BRI3: variants seen among roughly 807,000 people sequenced by gnomAD.
BRI3 encodes membrane protein BRI3.
BRI3 carries 6 observed loss-of-function variants against 12.8 expected under a neutral mutation model. The ratio of observed to expected loss-of-function variants is 0.47; its 90% CI spans 0.26 to 0.93. The LOEUF (loss-of-function observed/expected upper bound fraction) is 0.93, where lower values mean the gene tolerates loss of function less well. Among genes scored for constraint, BRI3 ranks in the 40% least tolerant of loss-of-function variants. The pLI, the probability that BRI3 is intolerant of heterozygous loss-of-function variation, is 0.15. For missense variants in BRI3, 134 were observed against 171.1 expected, an observed-to-expected ratio of 0.78 and a Z score of 1.21; for synonymous variants, 91 against 76.1, an observed-to-expected ratio of 1.20 and a Z score of -1.02.
the BRI3 span, among the ~76,000 whole-genome samples, chr7:98,316,738 A>G: frequency 3.2e-4 from 48 of 152,108 alleles, no homozygotes; most frequent in African/African-American, 1.1e-3. Flanking sequence ...ATCCAATTGT[A>G]TGTTTGGACC....
chr7:98,304,430 C>T, upstream of BRI3: 1 of 1,578,496 alleles, frequency 6.3e-7, no homozygotes, highest in Non-Finnish European at 8.7e-7. Context: ...CCACCAAACC[C>T]CAAACATCCT....
the BRI3 span, chr7:98,320,378 C>A: frequency 8.8e-7 from 1 of 1,130,638 alleles, no homozygotes; most frequent in East Asian, 2.4e-5. Context: ...CTCTGTCGCC[C>A]AGGCTGGAGT....
the BRI3 span, chr7:98,317,203 T>C: frequency 1.9e-6 from 3 of 1,614,096 alleles, no homozygotes; most frequent in Non-Finnish European, 2.5e-6. Context: ...AAACAAGATA[T>C]TGTTGAAAAG....
At chr7:98,283,319 A>C (rs1370604940) in intron 2 of BRI3, among the ~76,000 whole-genome samples, 3 of 152,044 alleles carry the variant, frequency 2.0e-5, no homozygotes, top group Non-Finnish European at 4.4e-5. Context: ...TAAGGCCTAG[A>C]GTGGAGTCAC....
rs958145980 is a variant in BRI3, at chr7:98,283,737, C to T, written c.245+1284C>T. On this transcript the variant is annotated intron_variant, in intron 2 of 2. Transcript: ENST00000297290. ...CCAGCCTGCCGGAGGAGCCGGGTTC[C>T]GGTCCTGGTCCTGCCAGGAACAGCG... Among the ~76,000 whole-genome samples the T allele has an allele frequency of 5.3e-5, 8 of 152,316 alleles. No individual in the cohort carries two copies. In the East Asian group the frequency reaches 1.2e-3, roughly 22 times the overall value.
the BRI3 span, among the ~76,000 whole-genome samples, chr7:98,319,021 T>C: frequency 6.6e-6 from 1 of 151,318 alleles, no homozygotes; most frequent in Non-Finnish European, 1.5e-5. Flanking sequence ...CGTATGTAAA[T>C]CACTTGGCAT....
At chr7:98,284,623 T>C (rs1264957638) in intron 2 of BRI3, among the ~76,000 whole-genome samples, 1 of 152,152 alleles carries the variant, frequency 6.6e-6, no homozygotes, top group Non-Finnish European at 1.5e-5. Context: ...TCTGTCCCCC[T>C]CCCTGCCTGG....
chr7:98,303,304 T>G (rs1301175721), upstream of BRI3, among the ~76,000 whole-genome samples: 1 of 152,124 alleles, frequency 6.6e-6, no homozygotes, highest in Non-Finnish European at 1.5e-5. Context: ...ACACAAGGTA[T>G]AGGGGCCTGG....
chr7:98,283,489 A>G (rs1799603019), intron 2 of BRI3, among the ~76,000 whole-genome samples: 1 of 140,724 alleles, frequency 7.1e-6, no homozygotes, highest in Admixed American at 7.0e-5. Context: ...AGTTTGACAC[A>G]GTTGGTCACC....
At chr7:98,319,432 TTA>T in the BRI3 span, among the ~76,000 whole-genome samples, 1 of 152,168 alleles carries the variant, frequency 6.6e-6, no homozygotes, top group African/African-American at 2.4e-5. Flanking sequence ...TTAGGAAGTG[TTA>T]TGTCTGCATC....
intron 2 of BRI3, among the ~76,000 whole-genome samples, chr7:98,285,001 C>T (rs1359163653): frequency 6.6e-6 from 1 of 152,170 alleles, no homozygotes; most frequent in Non-Finnish European, 1.5e-5. Context: ...GGAGGCTCTC[C>T]TGGGCTGGAG....
chr7:98,293,436 G>T, downstream of BRI3: 2 of 1,297,276 alleles, frequency 1.5e-6, no homozygotes, highest in South Asian at 1.2e-5. Flanking sequence ...GAAGCTTCCC[G>T]ACCGTCAGCA....
downstream of BRI3, chr7:98,294,106 A>G: frequency 1.2e-6 from 2 of 1,614,130 alleles, no homozygotes; most frequent in Non-Finnish European, 1.7e-6. Flanking sequence ...TCCCGTTGGC[A>G]TCGTTCTGTG....
At chr7:98,312,427 G>C (rs761258684), downstream of BRI3, among the ~76,000 whole-genome samples, 34 of 152,196 alleles carry the variant, frequency 2.2e-4, no homozygotes, top group Non-Finnish European at 4.1e-4. Flanking sequence ...TAGAGGATCA[G>C]CTGTGTCTCA....
chr7:98,301,965 G>A (rs1800448305), upstream of BRI3, among the ~76,000 whole-genome samples: 1 of 152,126 alleles, frequency 6.6e-6, no homozygotes, highest in Non-Finnish European at 1.5e-5. Context: ...CAGGGCCCTC[G>A]GGGACAGTGG....
downstream of BRI3, among the ~76,000 whole-genome samples, chr7:98,297,845 T>G (rs1236645638): frequency 1.3e-5 from 2 of 152,194 alleles, no homozygotes; most frequent in Admixed American, 1.3e-4. Context: ...AATGCAGGCT[T>G]GCTTTTACAA....
the BRI3 span, chr7:98,317,067 G>A: frequency 2.2e-6 from 2 of 909,058 alleles, no homozygotes; most frequent in Admixed American, 4.6e-5. Context: ...TGGCCAGGCT[G>A]GTCTCGAACT....
the BRI3 span, chr7:98,315,676 G>A: frequency 1.3e-6 from 1 of 782,616 alleles, no homozygotes; most frequent in African/African-American, 1.8e-5. Context: ...CAGATAGCGT[G>A]CAGCCTGACG....
At chr7:98,303,678 A>C (rs1228731855), upstream of BRI3, among the ~76,000 whole-genome samples, 1 of 152,126 alleles carries the variant, frequency 6.6e-6, no homozygotes, top group Non-Finnish European at 1.5e-5. Flanking sequence ...CAGGACCTCC[A>C]TGCTGGGCCC....
Sources: gnomAD v4.1 joint callset for allele counts (sites outside exome capture counted in the v4.1 genomes callset) on GRCh38, gnomAD v4.1.1 for gene constraint, MANE v1.5 for transcripts, NCBI Gene and HGNC (gene_info 2026-07-23, HGNC 2026-07-21) for gene names.